The following EYS variants were observed in gnomAD, a reference collection of about 807,000 sequenced individuals.
The protein encoded by EYS is EGF-like photoreceptor maintenance factor, also known as protein eyes shut homolog.
A neutral mutation model predicts 282.1 loss-of-function variants in EYS; 250 were observed. The ratio of observed to expected loss-of-function variants is 0.89; its 90% CI spans 0.80 to 0.98. EYS has a LOEUF of 0.98. EYS is among the 50% of genes least tolerant of loss of function. EYS has a pLI of 0.00. For missense variants in EYS, 4,016 were observed against 3,709.0 expected, an observed-to-expected ratio of 1.08 and a Z score of -2.15; for synonymous variants, 1,355 against 1,282.9, an observed-to-expected ratio of 1.06 and a Z score of -1.20.
At chr6:64,702,456 A>G (rs1770824914) in intron 22 of EYS, among the ~76,000 whole-genome samples, 1 of 152,108 alleles carries the variant, frequency 6.6e-6, no homozygotes, top group African/African-American at 2.4e-5. Flanking sequence ...ATGCTTTTAT[A>G]TATCTATATG....
chr6:64,975,315 A>G (rs920197895), intron 14 of EYS, among the ~76,000 whole-genome samples: 1 of 151,880 alleles, frequency 6.6e-6, no homozygotes, highest in African/African-American at 2.4e-5. Context: ...ATACATTACT[A>G]TAAATATAAA....
chr6:64,980,361 C>T (rs963180944), intron 14 of EYS, among the ~76,000 whole-genome samples: 7 of 151,296 alleles, frequency 4.6e-5, no homozygotes, highest in African/African-American at 1.2e-4. Context: ...CATGAAATGG[C>T]CCCAATTTGT....
At chr6:64,340,189 G>T (rs1448862826) in intron 29 of EYS, among the ~76,000 whole-genome samples, 1 of 149,248 alleles carries the variant, frequency 6.7e-6, no homozygotes, top group African/African-American at 2.5e-5. Flanking sequence ...GTGTGTGTGT[G>T]TAAAAAAAAA....
Position 63,794,751 on chromosome 6 carries a change from T to A in EYS, c.7412-5527A>T, listed in dbSNP as rs79416964. On this transcript the variant is annotated intron_variant, in intron 37 of 42. Transcript: ENST00000503581. ...AGCAACAGGTGATAATCCACATTTGTATTGCCATGTAGAAATGTTTAGCAA... is the reference window on the plus strand; with the variant it reads ...AGCAACAGGTGATAATCCACATTTGAATTGCCATGTAGAAATGTTTAGCAA... Among the ~76,000 whole-genome samples, 276 of 152,368 alleles carry A rather than the reference T, an allele frequency of 1.8e-3. 1 individual carries two copies. The highest frequency in any genetic ancestry group is 0.01 in the Middle Eastern group (3 of 294).
At chr6:64,532,190 T>C (rs1424102167) in intron 26 of EYS, among the ~76,000 whole-genome samples, 1 of 152,168 alleles carries the variant, frequency 6.6e-6, no homozygotes, top group African/African-American at 2.4e-5. Flanking sequence ...GAGAATGATG[T>C]TCTAGAGTTT....
chr6:65,262,259 A>AT (rs2150258932), intron 12 of EYS, among the ~76,000 whole-genome samples: 1 of 152,258 alleles, frequency 6.6e-6, no homozygotes, highest in African/African-American at 2.4e-5. Flanking sequence ...GTCATAATCA[A>AT]TTTAATCATA....
intron 12 of EYS, among the ~76,000 whole-genome samples, chr6:65,230,600 A>C (rs184872924): frequency 6.6e-6 from 1 of 151,908 alleles, no homozygotes; most frequent in Admixed American, 6.6e-5. Flanking sequence ...ATTTATTTTC[A>C]TGTCTTTTTT....
intron 12 of EYS, among the ~76,000 whole-genome samples, chr6:65,216,278 T>C (rs1409636486): frequency 6.6e-6 from 1 of 152,064 alleles, no homozygotes; most frequent in Non-Finnish European, 1.5e-5. Flanking sequence ...AGTGTTTACA[T>C]GAGTGAAGTG....
At chr6:64,707,283 G>A (rs1227354517) in intron 22 of EYS, among the ~76,000 whole-genome samples, 1 of 152,146 alleles carries the variant, frequency 6.6e-6, no homozygotes, top group African/African-American at 2.4e-5. Context: ...TCATAAGTGG[G>A]AGCTAAGCTC....
intron 29 of EYS, among the ~76,000 whole-genome samples, chr6:64,314,042 T>C (rs891560741): frequency 1.3e-5 from 2 of 151,968 alleles, no homozygotes; most frequent in Non-Finnish European, 2.9e-5. Flanking sequence ...GTAAATGGGC[T>C]AAATGCCCCA....
intron 12 of EYS, among the ~76,000 whole-genome samples, chr6:65,208,215 C>T (rs1301042121): frequency 1.3e-5 from 2 of 151,688 alleles, no homozygotes; most frequent in Admixed American, 6.6e-5. Flanking sequence ...CTCAACATCA[C>T]GAATCATCAG....
At chr6:65,130,838 T>TA (rs549367592) in intron 12 of EYS, among the ~76,000 whole-genome samples, 23 of 147,596 alleles carry the variant, frequency 1.6e-4, no homozygotes, top group African/African-American at 2.5e-4. Flanking sequence ...CCATAAAGAC[T>TA]AAAAAAAAAT....
At chr6:64,584,867 C>T (rs1298635259) in intron 26 of EYS, among the ~76,000 whole-genome samples, 1 of 152,012 alleles carries the variant, frequency 6.6e-6, no homozygotes, top group East Asian at 1.9e-4. Context: ...AAAATGTACT[C>T]ACTATCAACA....
chr6:65,699,165 G>A (rs891209006), intron 1 of EYS, among the ~76,000 whole-genome samples: 6 of 151,934 alleles, frequency 3.9e-5, no homozygotes, highest in African/African-American at 7.3e-5. Context: ...ACTTGCATAC[G>A]TATTCGTTTT....
chr6:64,003,243 T>C (rs1317873257), intron 33 of EYS, among the ~76,000 whole-genome samples: 2 of 152,086 alleles, frequency 1.3e-5, no homozygotes, highest in African/African-American at 4.8e-5. Context: ...TTGTGGGAGC[T>C]AAAATTTAAA....
intron 41 of EYS, chr6:63,741,770 A>G (rs1231108170): frequency 5.3e-6 from 3 of 569,504 alleles, no homozygotes; most frequent in South Asian, 2.2e-5. Flanking sequence ...ACCCCGTTCA[A>G]TCTGAATCAA....
At chr6:65,210,931 AACACACAC>A (rs59095242) in intron 12 of EYS, among the ~76,000 whole-genome samples, 2 of 148,498 alleles carry the variant, frequency 1.3e-5, no homozygotes, top group African/African-American at 2.5e-5. Context: ...AAGTCGTACA[AACACACAC>A]ACACACACAC....
rs147568346 is a variant in EYS, at chr6:65,279,582, A to G, written c.2023+16281T>C. Reference sequence around the variant, plus strand: ...CTTTTTTTTCCCTAGCCATTCCCCCAAAATAGTTGCATGTCTGACAAGCAG... The same window carrying G: ...CTTTTTTTTCCCTAGCCATTCCCCCGAAATAGTTGCATGTCTGACAAGCAG... On this transcript the variant is annotated intron_variant, in intron 12 of 42. Coordinates refer to ENST00000503581, the MANE Select transcript of EYS (RefSeq NM_001142800.2). 7.6e-4 allele frequency among the ~76,000 whole-genome samples: 116 copies of G among 152,242 alleles called. 1 individual carries two copies. In the East Asian group the frequency reaches 0.016, roughly 21 times the overall value.
At chr6:65,330,797 T>C in intron 11 of EYS, 1 of 962,854 alleles carries the variant, frequency 1.0e-6, no homozygotes, top group Non-Finnish European at 1.2e-6. Flanking sequence ...ATTTATATCG[T>C]CATTTTACCT....
Sources: gnomAD v4.1 joint callset for allele counts (sites outside exome capture counted in the v4.1 genomes callset) on GRCh38, gnomAD v4.1.1 for gene constraint, MANE v1.5 for transcripts, NCBI Gene and HGNC (gene_info 2026-07-23, HGNC 2026-07-21) for gene names.